KIAA1328: variants seen among roughly 807,000 people sequenced by gnomAD.
KIAA1328 encodes protein hinderin.
Under a neutral mutation model 68.1 loss-of-function variants are expected in KIAA1328, and 52 were observed. The observed-to-expected ratio is 0.76, with a 90% CI of 0.61 to 0.96. KIAA1328 has a LOEUF of 0.96. Ranked by LOEUF, KIAA1328 falls within the 40% of genes least tolerant of loss-of-function variation. KIAA1328 has a pLI of 0.00. For synonymous variants in KIAA1328, 232 were observed against 239.4 expected (o/e 0.97, Z 0.28); for missense variants, 641 against 677.6 (o/e 0.95, Z 0.60).
At chr18:36,951,342 T>G (rs1358213981) in intron 5 of KIAA1328, among the ~76,000 whole-genome samples, 1 of 152,224 alleles carries the variant, frequency 6.6e-6, no homozygotes, top group Non-Finnish European at 1.5e-5. Context: ...TCTCAGATGT[T>G]ACTGTACTCA....
chr18:37,131,379 T>C (rs1016161957), intron 7 of KIAA1328, among the ~76,000 whole-genome samples: 6 of 152,226 alleles, frequency 3.9e-5, no homozygotes, highest in Admixed American at 2.0e-4. Flanking sequence ...TTGTGGACCA[T>C]AGTTTGTGAT....
chr18:37,186,224 G>A (rs140436811), intron 9 of KIAA1328, among the ~76,000 whole-genome samples: 111 of 150,256 alleles, frequency 7.4e-4, no homozygotes, highest in African/African-American at 2.7e-3. Context: ...AGCCTCCCGA[G>A]TAGCTGGGAT....
At chr18:37,221,988 C>T in intron 9 of KIAA1328, 29 bp from the exon 10 acceptor site, 1 of 1,601,848 alleles carries the variant, frequency 6.2e-7, no homozygotes, top group Non-Finnish European at 8.5e-7. Flanking sequence ...TAATCTGATC[C>T]TTTCCTGTCT....
At chr18:36,958,287 GT>G (rs1224113702) in intron 5 of KIAA1328, among the ~76,000 whole-genome samples, 1 of 152,046 alleles carries the variant, frequency 6.6e-6, no homozygotes, top group Non-Finnish European at 1.5e-5. Flanking sequence ...GTGTACATAT[GT>G]TTTTTAAAAA....
intron 1 of KIAA1328, 160 bp from the exon 2 acceptor site, chr18:36,834,160 T>G (rs1281121335): frequency 8.8e-7 from 1 of 1,137,924 alleles, no homozygotes; most frequent in East Asian, 3.2e-5. Context: ...TCTAACTTTG[T>G]TTTTAATTCA....
intron 5 of KIAA1328, chr18:36,946,628 C>T (rs1049894825): frequency 1.3e-5 from 2 of 152,212 alleles, no homozygotes; most frequent in Admixed American, 6.5e-5. Flanking sequence ...ATTAACCATT[C>T]TGTGCTGCAG....
At chr18:37,041,116 T>TCA in intron 6 of KIAA1328, among the ~76,000 whole-genome samples, 1 of 151,984 alleles carries the variant, frequency 6.6e-6, no homozygotes, top group Non-Finnish European at 1.5e-5. Context: ...GATTTTTTGT[T>TCA]TAGTTGTTCC....
intron 5 of KIAA1328, among the ~76,000 whole-genome samples, chr18:36,940,858 T>C (rs1024496253): frequency 9.2e-5 from 14 of 152,052 alleles, no homozygotes; most frequent in Non-Finnish European, 1.8e-4. Flanking sequence ...GTATTTTTAG[T>C]AGAGATGGGG....
In KIAA1328 at chr18:37,022,057, TTAAAATAAAA is replaced by T. The variant is rs757915141; in HGVS notation, c.577-44812_577-44803del. Among the ~76,000 whole-genome samples the T allele has an allele frequency of 3.7e-4, 56 of 151,298 alleles. 1 individual carries two copies. The East Asian group carries it at 5.0e-3, about 14-fold the overall frequency. The stretch of plus-strand genomic sequence containing the variant: ...TCTGTCTCATAAATTAATTAATTAA[TTAAAATAAAA>T]TAAAATAAAATAAAATAAAACAAAC... On this transcript the variant is annotated intron_variant, in intron 6 of 9. Coordinates refer to ENST00000280020, the MANE Select transcript of KIAA1328 (RefSeq NM_020776.3).
intron 6 of KIAA1328, among the ~76,000 whole-genome samples, chr18:36,982,966 A>G (rs926941019): frequency 1.3e-5 from 2 of 151,998 alleles, no homozygotes; most frequent in Non-Finnish European, 2.9e-5. Flanking sequence ...CCTTAAAGCA[A>G]CCACTAAAAT....
chr18:37,133,639 C>A (rs2058577178), intron 7 of KIAA1328, among the ~76,000 whole-genome samples: 1 of 151,178 alleles, frequency 6.6e-6, no homozygotes, highest in African/African-American at 2.4e-5. Context: ...CATTCTCCTG[C>A]CTCAGCCTCC....
At chr18:36,991,846 G>T (rs886287304) in intron 6 of KIAA1328, among the ~76,000 whole-genome samples, 3 of 152,154 alleles carry the variant, frequency 2.0e-5, no homozygotes, top group Non-Finnish European at 2.9e-5. Context: ...AATGGAAGCT[G>T]CCAGGTCTTT....
Position 37,205,967 on chromosome 18 carries a change from G to A in KIAA1328, c.1524-16050G>A, listed in dbSNP as rs550261938. Among the ~76,000 whole-genome samples, 31 of 152,282 alleles carry A rather than the reference G, an allele frequency of 2.0e-4. No individual in the cohort carries two copies. In the South Asian group the frequency reaches 6.4e-3, roughly 32 times the overall value. On this transcript the variant is annotated intron_variant, in intron 9 of 9. Transcript: ENST00000280020. The stretch of plus-strand genomic sequence containing the variant: ...GACCATAAATGGTCTGGCAAAGCTT[G>A]CAGTAAATCATTGGTATCATTCCTT...
intron 7 of KIAA1328, among the ~76,000 whole-genome samples, chr18:37,120,107 CT>C (rs1034392436): frequency 9.9e-5 from 15 of 152,018 alleles, no homozygotes; most frequent in Non-Finnish European, 1.9e-4. Context: ...AAAATGAACA[CT>C]TTATTTTCAA....
chr18:37,011,747 A>G (rs2053987039), intron 6 of KIAA1328, among the ~76,000 whole-genome samples: 1 of 152,192 alleles, frequency 6.6e-6, no homozygotes, highest in African/African-American at 2.4e-5. Context: ...ATACATTTTT[A>G]TGACATCCCA....
chr18:37,080,894 G>T (rs1049575719), intron 7 of KIAA1328, among the ~76,000 whole-genome samples: 3 of 151,592 alleles, frequency 2.0e-5, no homozygotes, highest in African/African-American at 7.3e-5. Context: ...CTAAAACAAA[G>T]TTCTTTCCAA....
chr18:36,874,853 T>C (rs1601090418), intron 4 of KIAA1328, among the ~76,000 whole-genome samples: 1 of 152,198 alleles, frequency 6.6e-6, no homozygotes, highest in African/African-American at 2.4e-5. Flanking sequence ...TTAATTTTTG[T>C]GTAGGATGTA....
chr18:36,948,333 CTCACTGCAACCTCCAACT>C (rs1202786832), intron 5 of KIAA1328, among the ~76,000 whole-genome samples: 12 of 145,322 alleles, frequency 8.3e-5, no homozygotes. Context: ...GCGATCTCGG[CTCACTGCAACCTCCAACT>C]TCTTGGTTCA....
chr18:36,975,611 A>G (rs895355118), intron 6 of KIAA1328, among the ~76,000 whole-genome samples: 25 of 152,324 alleles, frequency 1.6e-4, no homozygotes, highest in Admixed American at 3.3e-4. Context: ...AGAAAATGTA[A>G]TATTTGACTG....
Sources: gnomAD v4.1 joint callset for allele counts (sites outside exome capture counted in the v4.1 genomes callset) on GRCh38, gnomAD v4.1.1 for gene constraint, MANE v1.5 for transcripts, NCBI Gene and HGNC (gene_info 2026-07-23, HGNC 2026-07-21) for gene names.